APOL5: variants seen among roughly 807,000 people sequenced by gnomAD.
APOL5 encodes the protein apolipoprotein L, 5.
APOL5 carries 29 observed loss-of-function variants against 35.5 expected under a neutral mutation model. The observed-to-expected ratio is 0.82, with a 90% CI of 0.61 to 1.11. APOL5 has a LOEUF of 1.11. Among genes scored for constraint, APOL5 ranks in the 50% most tolerant of loss-of-function variants. The pLI is 0.00. For missense variants in APOL5, 514 were observed against 530.4 expected (o/e 0.97, Z 0.30); for synonymous variants, 188 against 200.2 (o/e 0.94, Z 0.51).
At chr22:35,727,413 A>G (rs1927210735) in intron 3 of APOL5, among the ~76,000 whole-genome samples, 1 of 152,164 alleles carries the variant, frequency 6.6e-6, no homozygotes, top group Admixed American at 6.5e-5. Flanking sequence ...ATAAATAACC[A>G]TAAATTCTTG....
At chr22:35,715,095 T>C (rs1926704879), upstream of APOL5, among the ~76,000 whole-genome samples, 2 of 152,206 alleles carry the variant, frequency 1.3e-5, no homozygotes, top group African/African-American at 4.8e-5. Flanking sequence ...TCTCATCCTA[T>C]GCATAAAGCA....
chr22:35,720,873 G>A (rs1407172072), intron 2 of APOL5, among the ~76,000 whole-genome samples: 1 of 152,140 alleles, frequency 6.6e-6, no homozygotes, highest in African/African-American at 2.4e-5. Flanking sequence ...AGCCTCACGA[G>A]TAGCTGGGAT....
chr22:35,711,628 T>TTCCTTCCTTCCTTCCG, the APOL5 span, among the ~76,000 whole-genome samples: 1 of 148,022 alleles, frequency 6.8e-6, no homozygotes, highest in African/African-American at 2.5e-5. Flanking sequence ...CCTTCCTTCC[T>TTCCTTCCTTCCTTCCG]TCCTTCCTTC....
the APOL5 span, among the ~76,000 whole-genome samples, chr22:35,709,233 T>TTGTCA: frequency 6.6e-6 from 1 of 152,236 alleles, no homozygotes; most frequent in African/African-American, 2.4e-5. Context: ...GATATAATCT[T>TTGTCA]TGTCAGTATC....
chr22:35,725,781 T>C (rs1445562394), intron 2 of APOL5, among the ~76,000 whole-genome samples: 1 of 152,144 alleles, frequency 6.6e-6, no homozygotes, highest in Non-Finnish European at 1.5e-5. Context: ...AGCACTCATG[T>C]TAGGTTTTAC....
chr22:35,717,366 A>T (rs1926787849), upstream of APOL5, among the ~76,000 whole-genome samples: 1 of 145,206 alleles, frequency 6.9e-6, no homozygotes, highest in Non-Finnish European at 1.5e-5. Flanking sequence ...GTGTCACTGC[A>T]CTCCAGCCCA....
chr22:35,723,375 C>A (rs189283003), intron 2 of APOL5, among the ~76,000 whole-genome samples: 1 of 152,268 alleles, frequency 6.6e-6, no homozygotes, highest in African/African-American at 2.4e-5. Flanking sequence ...GCAATACACA[C>A]GCTGGAAACC....
chr22:35,715,090 T>G (rs1926704596), upstream of APOL5, among the ~76,000 whole-genome samples: 1 of 152,188 alleles, frequency 6.6e-6, no homozygotes, highest in South Asian at 2.1e-4. Flanking sequence ...TGACCTCTCA[T>G]CCTATGCATA....
intron 2 of APOL5, 103 bp downstream of exon 2, chr22:35,720,757 T>G: frequency 1.2e-6 from 1 of 854,708 alleles, no homozygotes; most frequent in Non-Finnish European, 1.8e-6. Flanking sequence ...GGTTTTGTTT[T>G]GTTTTGAGAC....
At chr22:35,722,833 C>G (rs1244342233) in intron 2 of APOL5, among the ~76,000 whole-genome samples, 1 of 152,174 alleles carries the variant, frequency 6.6e-6, no homozygotes, top group Admixed American at 6.5e-5. Context: ...GCTTTAGACA[C>G]CCTCACTAAC....
chr22:35,721,822 C>A (rs1006678193), intron 2 of APOL5, among the ~76,000 whole-genome samples: 1 of 152,200 alleles, frequency 6.6e-6, no homozygotes, highest in Non-Finnish European at 1.5e-5. Flanking sequence ...AGACTCACAA[C>A]AAACTCTGCT....
intron 2 of APOL5, among the ~76,000 whole-genome samples, chr22:35,725,418 C>T (rs1246630186): frequency 6.6e-6 from 1 of 152,062 alleles, no homozygotes; most frequent in Admixed American, 6.5e-5. Flanking sequence ...CCACACCCGG[C>T]TAACTTTTGT....
At chr22:35,710,659 T>C in the APOL5 span, among the ~76,000 whole-genome samples, 1 of 152,134 alleles carries the variant, frequency 6.6e-6, no homozygotes, top group Non-Finnish European at 1.5e-5. Context: ...ACTCTTGTCC[T>C]CTTGCAAAAC....
intron 1 of APOL5, among the ~76,000 whole-genome samples, chr22:35,718,175 A>G (rs1004783121): frequency 6.6e-6 from 1 of 152,278 alleles, no homozygotes; most frequent in Non-Finnish European, 1.5e-5. Context: ...AACTAAAAAC[A>G]TAAGCAGCTC....
Position 35,717,917 on chromosome 22 carries a change from G to A in APOL5, c.46G>A (p.Val16Met), listed in dbSNP as rs945170559. Residue 16 changes from valine to methionine, a missense_variant, in exon 1 of 5, where the codon GTG becomes ATG. By Grantham distance (21) the Val-to-Met change is conservative. Around this residue, in one of 3 missense-constraint regions of APOL5, gnomAD observed 254 missense variants for 254.7 expected, o/e 1.00. Transcript: ENST00000249044. ...AAATTTGCAAGTTCCCGGTTCCAAGGTGTTACCTGGTAAGTTCTTTTAAGC... is the reference window on the plus strand; with the variant it reads ...AAATTTGCAAGTTCCCGGTTCCAAGATGTTACCTGGTAAGTTCTTTTAAGC... Reference protein sequence around the residue: ...QGNLQVPGSKVLPGLGEGCKE... With the variant: ...QGNLQVPGSKMLPGLGEGCKE... 3 of 1,589,068 alleles carry A rather than the reference G, an allele frequency of 1.9e-6. No individual in the cohort carries two copies. The highest frequency in any genetic ancestry group is 1.8e-5 in the Admixed American group (1 of 57,140).
Position 35,727,161 on chromosome 22 carries a change from G to A in APOL5, c.1093G>A (p.Ala365Thr). 6.2e-7 allele frequency: 1 copy of A among 1,604,976 alleles called. No homozygotes were observed. The change falls in exon 3 of 5, where the codon GCT becomes ACT. Residue 365 changes from alanine (A) to threonine (T), a missense_variant. Ala to Thr is a moderately conservative substitution (Grantham distance 58). Transcript: ENST00000249044. ...SQTCSSSRGR[A>T]VRGSRVVKPE... ...GACCTGTTCCAGCTCCCGGGGCAGGGCTGTTCGAGGATCCCGTGTGGTTAA... is the reference window on the plus strand; with the variant it reads ...GACCTGTTCCAGCTCCCGGGGCAGGACTGTTCGAGGATCCCGTGTGGTTAA...
chr22:35,710,983 G>A, the APOL5 span, among the ~76,000 whole-genome samples: 3 of 152,274 alleles, frequency 2.0e-5, no homozygotes, highest in South Asian at 4.1e-4. Flanking sequence ...ACTGGCCAAC[G>A]TGGTGAAACC....
Position 35,728,797 on chromosome 22 carries a change from C to A in APOL5, c.1201C>A (p.Pro401Thr). 6.2e-7 allele frequency: 1 copy of A among 1,613,514 alleles called. No individual in the cohort carries two copies. The highest frequency in any genetic ancestry group is 1.3e-5 in the African/African-American group (1 of 75,036). ...GGGCCCTGGCGTGGCACTGAGGACACCAAAGAGGACAGTCTCTGCCCCAAG... is the reference window on the plus strand; with the variant it reads ...GGGCCCTGGCGTGGCACTGAGGACAACAAAGAGGACAGTCTCTGCCCCAAG... ...RLGPGVALRT[P>T]KRTVSAPRML... is the part of the protein sequence containing the mutation. The change falls in exon 4 of 5, where the codon CCA (proline) becomes ACA (threonine). Residue 401 changes from proline (P) to threonine (T), a missense_variant. By Grantham distance (38) the Pro-to-Thr change is conservative. Transcript: ENST00000249044.
At chr22:35,728,028 C>G (rs1049454574) in intron 3 of APOL5, among the ~76,000 whole-genome samples, 2 of 152,204 alleles carry the variant, frequency 1.3e-5, no homozygotes, top group African/African-American at 2.4e-5. Flanking sequence ...TTCATTCACT[C>G]ATTGTCCATT....
Sources: allele counts gnomAD v4.1 joint callset (sites outside exome capture counted in the v4.1 genomes callset), GRCh38; gene constraint gnomAD v4.1.1; regional missense constraint gnomAD v4.1.1; transcripts MANE v1.5; gene names NCBI Gene and HGNC (gene_info 2026-07-23, HGNC 2026-07-21).